The following UAP1 variants were observed in gnomAD, a reference collection of about 807,000 sequenced individuals.
UAP1 encodes UDP-N-acetylglucosamine pyrophosphorylase 1.
UAP1 carries 25 observed loss-of-function variants against 58.5 expected under a neutral mutation model. That is an observed-to-expected ratio of 0.43 (90% CI 0.31 to 0.60). UAP1 has a LOEUF of 0.60. Among genes scored for constraint, UAP1 ranks in the 20% least tolerant of loss-of-function variants. The probability of loss-of-function intolerance (pLI) is 0.11; values close to 1 mark genes in which losing one functional copy is unlikely to be tolerated. For missense variants in UAP1, 575 were observed against 630.0 expected, an observed-to-expected ratio of 0.91 and a Z score of 0.93; for synonymous variants, 208 against 213.0, an observed-to-expected ratio of 0.98 and a Z score of 0.21.
exon 11 of UAP1, chr1:162,599,524 A>C (rs1195807701): frequency 2.2e-6 from 1 of 462,280 alleles, no homozygotes; most frequent in Non-Finnish European, 3.9e-6. Context: ...CCCAAGATCC[A>C]GATGACTGAA....
intron 3 of UAP1, among the ~76,000 whole-genome samples, chr1:162,577,435 CTTTTTTTTTTTTTT>C (rs67627704): frequency 9.5e-5 from 9 of 95,212 alleles, no homozygotes; most frequent in East Asian, 6.2e-4. Context: ...AGTTCCTTCC[CTTTTTTTTTTTTTT>C]TTTTTTTTTT....
At chr1:162,580,417 C>G (rs895149788) in intron 4 of UAP1, among the ~76,000 whole-genome samples, 6 of 152,180 alleles carry the variant, frequency 3.9e-5, no homozygotes, top group African/African-American at 1.4e-4. Flanking sequence ...TTGCACAATT[C>G]CAGGTAGTGC....
rs145516546 is a variant in UAP1 at position 162,569,784 on chromosome 1, A to G, written c.280+3436A>G. Among the ~76,000 whole-genome samples, 139 of 152,332 alleles carry G rather than the reference A, an allele frequency of 9.1e-4. 2 individuals carry two copies. The East Asian group carries it at 0.019, about 21-fold the overall frequency. On this transcript the variant is annotated intron_variant, in intron 2 of 10. Coordinates refer to ENST00000271469, the Ensembl canonical transcript of UAP1. ...TAAGTGGATTATTTAGAAGAAATGC[A>G]TTCTTAACATTATCTCCTCTACATT...
At chr1:162,566,867 T>A (rs1257930264) in intron 2 of UAP1, among the ~76,000 whole-genome samples, 2 of 152,152 alleles carry the variant, frequency 1.3e-5, no homozygotes, top group Non-Finnish European at 2.9e-5. Flanking sequence ...CCTCAAGTGA[T>A]TTCGCCTGCC....
chr1:162,598,373 A>G (rs956196830), intron 10 of UAP1, among the ~76,000 whole-genome samples: 6 of 152,180 alleles, frequency 3.9e-5, no homozygotes, highest in African/African-American at 1.4e-4. Flanking sequence ...TTTGTTCTGA[A>G]TTCTTCTCTT....
At chr1:162,568,963 C>T (rs958728509) in intron 2 of UAP1, among the ~76,000 whole-genome samples, 1 of 152,114 alleles carries the variant, frequency 6.6e-6, no homozygotes, top group African/African-American at 2.4e-5. Flanking sequence ...AAACTAAAAT[C>T]CGGAACTATT....
chr1:162,583,770 G>A (rs578148127), intron 5 of UAP1, among the ~76,000 whole-genome samples: 11 of 152,226 alleles, frequency 7.2e-5, no homozygotes, highest in African/African-American at 2.6e-4. Context: ...TGGTACCACA[G>A]GCGTGCACCA....
Position 162,571,969 on chromosome 1 carries a change from C to G in UAP1, c.281-4808C>G, listed in dbSNP as rs77337557. Among the ~76,000 whole-genome samples the G allele has an allele frequency of 2.0e-3, 304 of 152,326 alleles. 6 individuals carry two copies. In the East Asian group the frequency reaches 0.05, roughly 25 times the overall value. On this transcript the variant is annotated intron_variant, in intron 2 of 10. Coordinates refer to ENST00000271469, the Ensembl canonical transcript of UAP1. ...CTGCTGCCTTTTCTCTTGTTTTTCA[C>G]TGTTTGCTCATAAGTGAGATGTGTA...
At chr1:162,569,913 G>T (rs911654380) in intron 2 of UAP1, among the ~76,000 whole-genome samples, 1 of 152,122 alleles carries the variant, frequency 6.6e-6, no homozygotes, top group African/African-American at 2.4e-5. Context: ...ACTTTGGGAG[G>T]CCAAGGCAGG....
intron 2 of UAP1, among the ~76,000 whole-genome samples, chr1:162,567,338 C>A (rs900511892): frequency 5.3e-5 from 8 of 152,196 alleles, no homozygotes; most frequent in Non-Finnish European, 1.2e-4. Flanking sequence ...GTTGTCTCTG[C>A]ATGTTACGTA....
chr1:162,561,995 C>T (rs1455489462), intron 1 of UAP1, among the ~76,000 whole-genome samples: 2 of 152,224 alleles, frequency 1.3e-5, no homozygotes, highest in Admixed American at 1.3e-4. Context: ...CCATCCTCCG[C>T]CACCCCGCGA....
chr1:162,588,753 C>G, exon 7 of UAP1: 1 of 1,611,930 alleles, frequency 6.2e-7, no homozygotes, highest in Non-Finnish European at 8.5e-7. Flanking sequence ...ATGTGGATAC[C>G]CAAGGACAGT....
intron 5 of UAP1, among the ~76,000 whole-genome samples, chr1:162,587,028 A>T (rs1171411156): frequency 1.3e-5 from 2 of 152,220 alleles, no homozygotes; most frequent in African/African-American, 4.8e-5. Context: ...ATCGGGCAAT[A>T]GAAAATGAGA....
chr1:162,566,313 G>T, exon 2 of UAP1: 1 of 1,614,150 alleles, frequency 6.2e-7, no homozygotes, highest in Non-Finnish European at 8.5e-7. Flanking sequence ...AGTGCTACAA[G>T]GGATCAAGAT....
At chr1:162,582,375 A>G (rs1186661444) in intron 5 of UAP1, among the ~76,000 whole-genome samples, 1 of 152,208 alleles carries the variant, frequency 6.6e-6, no homozygotes, top group East Asian at 1.9e-4. Flanking sequence ...ATTAAAAGGA[A>G]TTGTAAATTA....
chr1:162,590,600 A>G, intron 8 of UAP1, 89 bp downstream of exon 8: 1 of 1,168,110 alleles, frequency 8.6e-7, no homozygotes, highest in Non-Finnish European at 1.2e-6. Context: ...CTGTATTCCT[A>G]GATCTTTTTT....
chr1:162,565,989 C>T, intron 1 of UAP1, 23 bp from the exon 2 acceptor site: 2 of 1,423,252 alleles, frequency 1.4e-6, no homozygotes, highest in Non-Finnish European at 1.9e-6. Context: ...TTTGACATGC[C>T]ATTAATTACT....
chr1:162,562,769 C>T (rs553981479), intron 1 of UAP1, among the ~76,000 whole-genome samples: 3 of 152,082 alleles, frequency 2.0e-5, no homozygotes, highest in Non-Finnish European at 2.9e-5. Context: ...GGCTGTGCTG[C>T]CAAGCATTTA....
intron 5 of UAP1, among the ~76,000 whole-genome samples, chr1:162,586,721 A>G (rs191547925): frequency 1.4e-4 from 21 of 152,264 alleles, no homozygotes; most frequent in Middle Eastern, 6.8e-3. Flanking sequence ...TAAAAATTAC[A>G]TATTCTTAAT....
Sources: gnomAD v4.1 joint callset for allele counts (sites outside exome capture counted in the v4.1 genomes callset) on GRCh38, gnomAD v4.1.1 for gene constraint, MANE v1.5 for transcripts, NCBI Gene and HGNC (gene_info 2026-07-23, HGNC 2026-07-21) for gene names.